The following RPTOR variants were observed in gnomAD, a reference collection of about 807,000 sequenced individuals.
RPTOR encodes regulatory associated protein of MTOR complex 1, also known as regulatory-associated protein of mTOR.
RPTOR carries 21 observed loss-of-function variants against 169.9 expected under a neutral mutation model. That is an observed-to-expected ratio of 0.12 (90% CI 0.09 to 0.18). The LOEUF is 0.18. Among genes scored for constraint, RPTOR ranks in the 10% least tolerant of loss-of-function variants. The probability of loss-of-function intolerance (pLI) is 1.00; values close to 1 mark genes in which losing one functional copy is unlikely to be tolerated. For missense variants in RPTOR, 1,133 were observed against 1,855.9 expected (o/e 0.61, Z 7.16); for synonymous variants, 732 against 753.2 (o/e 0.97, Z 0.46).
intron 3 of RPTOR, among the ~76,000 whole-genome samples, chr17:80,668,238 G>A (rs982006461): frequency 2.0e-5 from 3 of 152,152 alleles, no homozygotes; most frequent in Non-Finnish European, 4.4e-5. Context: ...AAGGAGGGTG[G>A]CTACTGAGAG....
chr17:80,652,342 G>C (rs62069685), intron 3 of RPTOR, among the ~76,000 whole-genome samples: 9,722 of 152,288 alleles, frequency 0.064, 332 homozygotes, highest in Non-Finnish European at 0.083. Context: ...GCAGTCACCA[G>C]CCTGCCTTCT....
intron 3 of RPTOR, among the ~76,000 whole-genome samples, chr17:80,644,234 C>T (rs1035189210): frequency 1.3e-5 from 2 of 149,730 alleles, no homozygotes; most frequent in Non-Finnish European, 3.0e-5. Flanking sequence ...AAAGATAACA[C>T]TTATTATATG....
At chr17:80,625,924 C>A in intron 2 of RPTOR, 131 bp downstream of exon 2, 1 of 648,676 alleles carries the variant, frequency 1.5e-6, no homozygotes, top group Non-Finnish European at 2.8e-6. Context: ...GTTTTTCTTT[C>A]TGGAGTCACA....
At chr17:80,774,799 G>A (rs1043122224) in intron 6 of RPTOR, among the ~76,000 whole-genome samples, 4 of 152,332 alleles carry the variant, frequency 2.6e-5, no homozygotes, top group East Asian at 1.9e-4. Flanking sequence ...GCAGGGGACC[G>A]TAAGATGCCA....
intron 9 of RPTOR, among the ~76,000 whole-genome samples, chr17:80,837,637 TTTTTTCTTATTTTA>T (rs1305406709): frequency 6.6e-6 from 1 of 152,238 alleles, no homozygotes; most frequent in Non-Finnish European, 1.5e-5. Context: ...TTTCCAGGCT[TTTTTTCTTATTTTA>T]TTTTAAAGAG....
intron 1 of RPTOR, among the ~76,000 whole-genome samples, chr17:80,580,884 TC>T (rs2065007922): frequency 5.3e-5 from 8 of 152,178 alleles, no homozygotes; most frequent in Admixed American, 5.2e-4. Context: ...CATCTCAGCC[TC>T]CTAAAGTGCT....
chr17:80,764,459 A>G (rs562621812), intron 6 of RPTOR, among the ~76,000 whole-genome samples: 9 of 151,056 alleles, frequency 6.0e-5, no homozygotes, highest in East Asian at 1.9e-4. Flanking sequence ...ATGATTTCCA[A>G]TTTCATCCAT....
intron 6 of RPTOR, among the ~76,000 whole-genome samples, chr17:80,771,126 C>A (rs756014915): frequency 1.3e-5 from 2 of 152,230 alleles, no homozygotes; most frequent in Non-Finnish European, 2.9e-5. Flanking sequence ...TCAGCACCTC[C>A]TTCCCTGCCC....
chr17:80,864,841 C>T (rs1471981304), intron 13 of RPTOR, among the ~76,000 whole-genome samples: 1 of 152,108 alleles, frequency 6.6e-6, no homozygotes, highest in Admixed American at 6.6e-5. Context: ...CTTTTGCACT[C>T]TTAATTTTTT....
Position 80,949,538 on chromosome 17 carries a change from A to G in RPTOR, c.3361A>G (p.Thr1121Ala). The change falls in exon 28 of 34, where the codon ACG (threonine) becomes GCG (alanine). Residue 1121 changes from threonine to alanine, a missense_variant. This residue lies in a region of RPTOR where 410 missense variants were observed against 623.7 expected (regional missense o/e 0.66). Transcript: ENST00000306801. ...GCAGGGGCTCTCGGACATGCTGCCA[A>G]CGACGCGAGGTGGGTCCGCCCGGCT... is the stretch of plus-strand genomic sequence containing the variant. ...AWQGLSDMLP[T>A]TRGAGMVVDW... The G allele has an allele frequency of 6.2e-7, 1 of 1,613,780 alleles. No individual in the cohort carries two copies. The highest frequency in any genetic ancestry group is 8.5e-7 in the Non-Finnish European group (1 of 1,179,964).
intron 5 of RPTOR, among the ~76,000 whole-genome samples, chr17:80,736,558 AAC>A (rs2066435117): frequency 1.3e-5 from 2 of 152,230 alleles, no homozygotes; most frequent in African/African-American, 4.8e-5. Flanking sequence ...AAAAATGACT[AAC>A]GTCTAGAATC....
At chr17:80,556,140 G>A (rs1484039764) in intron 1 of RPTOR, among the ~76,000 whole-genome samples, 1 of 151,572 alleles carries the variant, frequency 6.6e-6, no homozygotes, top group Non-Finnish European at 1.5e-5. Context: ...TGGCCACACA[G>A]CCACCGTCAG....
intron 3 of RPTOR, among the ~76,000 whole-genome samples, chr17:80,697,581 A>ATAGGTGCAGGTGGCGGCGTGG (rs1471221128): frequency 6.6e-6 from 1 of 152,116 alleles, no homozygotes; most frequent in Non-Finnish European, 1.5e-5. Context: ...TGGCGGCGTG[A>ATAGGTGCAGGTGGCGGCGTGG]TAGGTGCAGG....
At chr17:80,794,820 T>C (rs2067084855) in intron 7 of RPTOR, among the ~76,000 whole-genome samples, 1 of 152,222 alleles carries the variant, frequency 6.6e-6, no homozygotes, top group South Asian at 2.1e-4. Flanking sequence ...GGGTGGCGCA[T>C]GGTCCGATTC....
chr17:80,578,490 G>T (rs2064985992), intron 1 of RPTOR, among the ~76,000 whole-genome samples: 1 of 152,118 alleles, frequency 6.6e-6, no homozygotes, highest in African/African-American at 2.4e-5. Flanking sequence ...GGGCTCTGTT[G>T]CTTCTGATTT....
At chr17:80,832,172 A>C (rs1412699782) in intron 9 of RPTOR, among the ~76,000 whole-genome samples, 1 of 152,206 alleles carries the variant, frequency 6.6e-6, no homozygotes, top group East Asian at 1.9e-4. Flanking sequence ...TAGGTGTACT[A>C]GTTGAAACAC....
chr17:80,635,197 T>TA (rs2065496983), intron 2 of RPTOR, among the ~76,000 whole-genome samples: 1 of 152,174 alleles, frequency 6.6e-6, no homozygotes. Context: ...TTCACCCCAA[T>TA]ATCTGCCTTT....
At position 80,723,364 on chromosome 17, in the gene RPTOR, C is replaced by T. The variant is rs758286578; in HGVS notation, c.508-7196C>T. Among the ~76,000 whole-genome samples the T allele has an allele frequency of 4.0e-5, 6 of 151,218 alleles. No homozygotes were observed. The East Asian group carries it at 9.6e-4, about 24-fold the overall frequency. ...TGCTGTACCTCCCTATTTCCTTCCA[C>T]GTTTAGTAACTGGAATTCTTCTGTA... On this transcript the variant is annotated intron_variant, in intron 4 of 33. Coordinates refer to ENST00000306801, the MANE Select transcript of RPTOR (RefSeq NM_020761.3).
Position 80,562,092 on chromosome 17 carries a change from G to A in RPTOR, c.162+16301G>A, listed in dbSNP as rs2084506040. 6.6e-6 allele frequency among the ~76,000 whole-genome samples: 1 copy of A among 152,116 alleles called. No homozygotes were observed. The highest frequency in any genetic ancestry group is 6.6e-5 in the Admixed American group (1 of 15,266). Reference sequence around the variant, plus strand: ...GGGTAGGAGGAGATGAGGGTCTGGTGGCGGCTTGGGCTGGTAGTGACAGGC... The same window carrying A: ...GGGTAGGAGGAGATGAGGGTCTGGTAGCGGCTTGGGCTGGTAGTGACAGGC... On this transcript the variant is annotated intron_variant, in intron 1 of 33. Transcript: ENST00000306801. The surrounding 1 kb of genome is among the most constrained non-coding windows in gnomAD (Gnocchi z 4.4).
Sources: allele counts gnomAD v4.1 joint callset (sites outside exome capture counted in the v4.1 genomes callset), GRCh38; gene constraint gnomAD v4.1.1; regional missense constraint gnomAD v4.1.1; non-coding constraint Gnocchi (gnomAD v3.1); transcripts MANE v1.5; gene names NCBI Gene and HGNC (gene_info 2026-07-23, HGNC 2026-07-21).